Variants in KCNN1 observed in about 807,000 individuals in gnomAD.
The protein encoded by KCNN1 is small conductance calcium-activated potassium channel protein 1.
KCNN1 carries 20 observed loss-of-function variants against 44.7 expected under a neutral mutation model. That is an observed-to-expected ratio of 0.45 (90% CI 0.32 to 0.65). KCNN1 has a LOEUF of 0.65. Ranked by LOEUF, KCNN1 falls within the 30% of genes least tolerant of loss-of-function variation. The probability of loss-of-function intolerance (pLI) is 0.05; values close to 1 mark genes in which losing one functional copy is unlikely to be tolerated. For missense variants in KCNN1, 632 were observed against 785.3 expected (o/e 0.80, Z 2.33); for synonymous variants, 324 against 341.7 (o/e 0.95, Z 0.57).
chr19:17,998,511 G>T lies in KCNN1; in HGVS notation c.*105G>T. On this transcript the variant is annotated 3_prime_UTR_variant, in exon 10 of 10. Transcript: ENST00000684775. This position sits in a 1 kb window ranked among gnomAD's most constrained non-coding sequence, Gnocchi z 5.4. Reference sequence around the variant, plus strand: ...TCTTGGAGTTCAAGAAGCCAACGCTGAGTCAGGCTGAGTGGACTGAGGCCT... The same window carrying T: ...TCTTGGAGTTCAAGAAGCCAACGCTTAGTCAGGCTGAGTGGACTGAGGCCT... 8.7e-7 allele frequency: 1 copy of T among 1,146,064 alleles called. No homozygotes were observed. Among genetic ancestry groups the T allele is most frequent in the Non-Finnish European group, 1.2e-6 (1 of 842,388 alleles). 71.0% of individuals were successfully genotyped at this position (1,146,064 alleles called of 1,614,324 possible). A position where few individuals can be genotyped will look rare whatever the true frequency, so the allele number is the denominator to read the frequency against.
chr19:17,996,581 A>G (rs112681896), intron 9 of KCNN1, among the ~76,000 whole-genome samples: 26,383 of 152,054 alleles, frequency 0.17, 2,457 homozygotes, highest in East Asian at 0.36. Flanking sequence ...ACTCCAGCCT[A>G]GACAACAAGA....
In KCNN1 at chr19:17,999,867, C is replaced by T. The variant is rs575489360; in HGVS notation, c.*1461C>T. 7.6e-5 allele frequency: 32 copies of T among 420,098 alleles called. No individual in the cohort carries two copies. In the East Asian group the frequency reaches 1.4e-3, roughly 19 times the overall value. 26.0% of individuals were successfully genotyped at this position (420,098 alleles called of 1,614,324 possible). On this transcript the variant is annotated 3_prime_UTR_variant, in exon 10 of 10. Coordinates refer to ENST00000684775, the MANE Select transcript of KCNN1 (RefSeq NM_001386974.1). Reference sequence around the variant, plus strand: ...TGCATGAATGACCAGCTTGGGCCCACGCACGAGAAGGGTATGAGGAGGTGC... The same window carrying T: ...TGCATGAATGACCAGCTTGGGCCCATGCACGAGAAGGGTATGAGGAGGTGC...
chr19:17,980,883 G>A (rs2032381786), intron 3 of KCNN1, among the ~76,000 whole-genome samples: 1 of 151,940 alleles, frequency 6.6e-6, no homozygotes, highest in African/African-American at 2.4e-5. Flanking sequence ...TCCAGCCCGG[G>A]CACAGAGCAA....
chr19:17,971,469 A>T (rs557123512), intron 1 of KCNN1, among the ~76,000 whole-genome samples: 23 of 148,226 alleles, frequency 1.6e-4, no homozygotes, highest in African/African-American at 3.0e-4. Flanking sequence ...TATTATTATT[A>T]TTTTTTTTTT....
chr19:17,953,882 T>C (rs2031480241), intron 1 of KCNN1, among the ~76,000 whole-genome samples: 2 of 152,118 alleles, frequency 1.3e-5, no homozygotes, highest in Non-Finnish European at 1.5e-5. Flanking sequence ...GTGAGCCATG[T>C]TCATGCGACT....
In KCNN1 at chr19:17,999,271, C is replaced by G. The variant is rs998110410; in HGVS notation, c.*865C>G. 1 of 152,434 alleles carries G rather than the reference C, an allele frequency of 6.6e-6. No homozygotes were observed. The highest frequency in any genetic ancestry group is 1.5e-5 in the Non-Finnish European group (1 of 68,256). 9.4% of individuals were successfully genotyped at this position (152,434 alleles called of 1,614,324 possible). Reference sequence around the variant, plus strand: ...CCCTAGGCCAAAGTAAAGAACCGGACTGGCTGGGCACAGTGGCTCACACCT... The same window carrying G: ...CCCTAGGCCAAAGTAAAGAACCGGAGTGGCTGGGCACAGTGGCTCACACCT... On this transcript the variant is annotated 3_prime_UTR_variant, in exon 10 of 10. Transcript: ENST00000684775.
chr19:17,979,288 C>T (rs1369465335), intron 3 of KCNN1, among the ~76,000 whole-genome samples: 1 of 151,418 alleles, frequency 6.6e-6, no homozygotes, highest in African/African-American at 2.4e-5. Flanking sequence ...AAAACATTAG[C>T]CAGGCGTGGT....
intron 2 of KCNN1, among the ~76,000 whole-genome samples, chr19:17,955,228 C>T (rs1479637684): frequency 5.4e-5 from 8 of 148,734 alleles, no homozygotes; most frequent in East Asian, 3.9e-4. Context: ...CCAGCCTAGG[C>T]GACAGAGCGA....
chr19:17,985,166 G>A (rs868288172), intron 4 of KCNN1, 146 bp from the exon 5 acceptor site: 114 of 646,236 alleles, frequency 1.8e-4, no homozygotes, highest in Middle Eastern at 1.6e-3. Context: ...GAGAGGGTGC[G>A]CCTGTCCTGT....
chr19:17,998,332 C>A lies in KCNN1; in HGVS notation c.1558C>A (p.Pro520Thr). The A allele has an allele frequency of 1.3e-6, 2 of 1,533,822 alleles. No homozygotes were observed. Among genetic ancestry groups the A allele is most frequent in the Non-Finnish European group, 1.7e-6 (2 of 1,145,730 alleles). ...GCCTCCCCTGCCTCCCAGGCCCGGC[C>A]CCGGCCCCCAAGACCAGGCAGCCCG... The part of the protein sequence containing the change: ...PPPPLPPRPG[P>T]GPQDQAARSS... The change falls in exon 10 of 10, where the codon CCC becomes ACC. Residue 520 changes from proline to threonine, a missense_variant. Around this residue, in one of 3 missense-constraint regions of KCNN1, gnomAD observed 237 missense variants for 253.0 expected, o/e 0.94. Coordinates refer to ENST00000684775, the MANE Select transcript of KCNN1 (RefSeq NM_001386974.1). The surrounding 1 kb of genome is among the most constrained non-coding windows in gnomAD (Gnocchi z 5.4).
chr19:17,980,720 A>C (rs1412534158), intron 3 of KCNN1, among the ~76,000 whole-genome samples: 3 of 148,604 alleles, frequency 2.0e-5, no homozygotes, highest in African/African-American at 5.0e-5. Flanking sequence ...TGGGCAAAAT[A>C]GGGAGACCCC....
chr19:17,963,256 G>C (rs144849245), upstream of KCNN1, among the ~76,000 whole-genome samples: 1 of 150,204 alleles, frequency 6.7e-6, no homozygotes, highest in Non-Finnish European at 1.5e-5. Context: ...CTCGTGATCC[G>C]CCTGCCTCAG....
At chr19:17,957,614 A>G (rs1345345919) in intron 2 of KCNN1, among the ~76,000 whole-genome samples, 1 of 152,072 alleles carries the variant, frequency 6.6e-6, no homozygotes, top group African/African-American at 2.4e-5. Context: ...GGCGTGTTTG[A>G]GGAACAGTGA....
rs150187965 is a variant in KCNN1 at position 17,986,752 on chromosome 19, C to T, written c.1059+1299C>T. ...GCTCAAGTGATCCTCCTGCTTGGGC[C>T]TCCCAAGGTGCTGGAGTTACAGGCC... On this transcript the variant is annotated intron_variant, in intron 5 of 9. Transcript: ENST00000684775. Among the ~76,000 whole-genome samples the T allele has an allele frequency of 5.1e-3, 770 of 152,282 alleles. 1 individual carries two copies. The highest frequency in any genetic ancestry group is 8.7e-3 in the Non-Finnish European group (593 of 68,026).
At chr19:17,980,125 G>T (rs575136474) in intron 3 of KCNN1, among the ~76,000 whole-genome samples, 3 of 148,834 alleles carry the variant, frequency 2.0e-5, no homozygotes, top group African/African-American at 7.4e-5. Flanking sequence ...GTGCAGTGGC[G>T]CAATCTTGGC....
chr19:17,991,491 A>T (rs935943949), intron 7 of KCNN1, among the ~76,000 whole-genome samples: 3 of 151,694 alleles, frequency 2.0e-5, no homozygotes, highest in Non-Finnish European at 4.4e-5. Flanking sequence ...TCACGCCTGT[A>T]ATCCCAGCAC....
At chr19:17,978,780 C>T (rs1187987242) in intron 3 of KCNN1, among the ~76,000 whole-genome samples, 1 of 150,482 alleles carries the variant, frequency 6.6e-6, no homozygotes, top group Non-Finnish European at 1.5e-5. Context: ...TCAGGCTGGA[C>T]ACAGTGACTC....
In KCNN1 at chr19:17,998,146, C is replaced by T. The variant is rs1173222165; in HGVS notation, c.1378-6C>T. On this transcript the variant is annotated splice_region_variant and splice_polypyrimidine_tract_variant and intron_variant, in intron 9 of 9. Transcript: ENST00000684775. This position sits in a 1 kb window ranked among gnomAD's most constrained non-coding sequence, Gnocchi z 5.4. ...CCTCTCTCCTGCCCCTCTCTGTCTC[C>T]CGCAGACCCAGACCGTCATGTACGA... is the stretch of plus-strand genomic sequence containing the variant. 2 of 1,582,022 alleles carry T rather than the reference C, an allele frequency of 1.3e-6. No homozygotes were observed. Among genetic ancestry groups the T allele is most frequent in the Non-Finnish European group, 8.6e-7 (1 of 1,164,056 alleles).
At position 17,998,103 on chromosome 19, in the gene KCNN1, C is replaced by T; in HGVS notation, c.1378-49C>T. On this transcript the variant is annotated intron_variant, in intron 9 of 9. Coordinates refer to ENST00000684775, the MANE Select transcript of KCNN1 (RefSeq NM_001386974.1). This position sits in a 1 kb window ranked among gnomAD's most constrained non-coding sequence, Gnocchi z 5.4. ...ATTGGTGTCGTGGTATCGTCCTTTC[C>T]TCTCTCACTCAGCGGCGCCTCTCTC... 1 of 1,513,564 alleles carries T rather than the reference C, an allele frequency of 6.6e-7. No homozygotes were observed. Among genetic ancestry groups the T allele is most frequent in the South Asian group, 1.3e-5 (1 of 77,170 alleles). 93.8% of individuals were successfully genotyped at this position (1,513,564 alleles called of 1,614,324 possible). A position where few individuals can be genotyped will look rare whatever the true frequency, so the allele number is the denominator to read the frequency against.
Sources: allele counts gnomAD v4.1 joint callset (sites outside exome capture counted in the v4.1 genomes callset), GRCh38; gene constraint gnomAD v4.1.1; regional missense constraint gnomAD v4.1.1; non-coding constraint Gnocchi (gnomAD v3.1); transcripts MANE v1.5; gene names NCBI Gene and HGNC (gene_info 2026-07-23, HGNC 2026-07-21).